COL23A1: variants seen among roughly 807,000 people sequenced by gnomAD.
COL23A1 encodes the protein collagen type XXIII alpha 1 chain.
Under a neutral mutation model 99.3 loss-of-function variants are expected in COL23A1, and 97 were observed. The ratio of observed to expected loss-of-function variants is 0.98; its 90% confidence interval spans 0.83 to 1.16. COL23A1 has a LOEUF of 1.16. Among genes scored for constraint, COL23A1 ranks in the 50% most tolerant of loss-of-function variants. The probability of loss-of-function intolerance (pLI) is 0.00; values close to 1 mark genes in which losing one functional copy is unlikely to be tolerated. For missense variants in COL23A1, 762 were observed against 757.4 expected (o/e 1.01, Z -0.07); for synonymous variants, 320 against 308.2 (o/e 1.04, Z -0.40).
chr5:178,390,485 C>A (rs1345509376), intron 2 of COL23A1, among the ~76,000 whole-genome samples: 1 of 152,196 alleles, frequency 6.6e-6, no homozygotes, highest in African/African-American at 2.4e-5. Context: ...GGCACAGAAC[C>A]CCCTCATGTT....
chr5:178,240,530 G>A (rs908315048), intron 27 of COL23A1, among the ~76,000 whole-genome samples: 1 of 152,312 alleles, frequency 6.6e-6, no homozygotes, highest in South Asian at 2.1e-4. Context: ...CTCCGCACGT[G>A]GGATTCTCCT....
At chr5:178,319,911 C>T (rs1406995091) in intron 2 of COL23A1, among the ~76,000 whole-genome samples, 1 of 152,226 alleles carries the variant, frequency 6.6e-6, no homozygotes, top group African/African-American at 2.4e-5. Flanking sequence ...CACTGCTTCC[C>T]TGCACCCGGC....
intron 2 of COL23A1, among the ~76,000 whole-genome samples, chr5:178,465,426 C>T (rs1756363079): frequency 6.6e-6 from 1 of 152,210 alleles, no homozygotes; most frequent in African/African-American, 2.4e-5. Flanking sequence ...TTTTCTCTCT[C>T]AGAAGGTCAG....
chr5:178,492,938 G>A (rs942975819), intron 2 of COL23A1, among the ~76,000 whole-genome samples: 2 of 152,156 alleles, frequency 1.3e-5, no homozygotes, highest in African/African-American at 4.8e-5. Flanking sequence ...ACCTCACAGG[G>A]TATGGAAAGG....
At chr5:178,336,452 T>C (rs540773868) in intron 2 of COL23A1, among the ~76,000 whole-genome samples, 43 of 152,354 alleles carry the variant, frequency 2.8e-4, no homozygotes, top group African/African-American at 1.0e-3. Flanking sequence ...GGATAAACCC[T>C]GAAAGCATTG....
chr5:178,256,490 G>T, intron 14 of COL23A1, 93 bp from the exon 15 acceptor site: 3 of 1,247,882 alleles, frequency 2.4e-6, no homozygotes, highest in Non-Finnish European at 3.3e-6. Flanking sequence ...TCCCAGGAGG[G>T]CCCAGGGCCC....
intron 2 of COL23A1, among the ~76,000 whole-genome samples, chr5:178,368,630 G>A (rs958041945): frequency 5.3e-5 from 8 of 152,206 alleles, no homozygotes; most frequent in Non-Finnish European, 1.2e-4. Flanking sequence ...GACTTGAGCA[G>A]GGGAAGAGTG....
chr5:178,357,784 A>ATGTG lies in COL23A1; in HGVS notation c.362-50869_362-50866dup, dbSNP rs200493328. Among the ~76,000 whole-genome samples the ATGTG allele has an allele frequency of 2.3e-3, 324 of 140,034 alleles. 2 individuals are homozygous for ATGTG. Among genetic ancestry groups the ATGTG allele is most frequent in the African/African-American group, 8.5e-3 (313 of 36,928 alleles). 91.9% of individuals were successfully genotyped at this position (140,034 alleles called of 152,430 possible). Reference sequence around the variant, plus strand: ...TACGTGTATGTATGTGTGTATGTGTATGTGTGTGTGTATGTGTGTGTGTAT... The same window carrying ATGTG: ...TACGTGTATGTATGTGTGTATGTGTATGTGTGTGTGTGTGTATGTGTGTGTGTAT... On this transcript the variant is annotated intron_variant, in intron 2 of 28. Transcript: ENST00000390654.
Position 178,281,160 on chromosome 5 carries a change from T to C in COL23A1, c.441+7164A>G, listed in dbSNP as rs1209528693. ...ATCTGGGGATTGTGGGGTGGCACTGTAGGGGTCAGACGGAAATGAGATGGA... is the reference window on the plus strand; with the variant it reads ...ATCTGGGGATTGTGGGGTGGCACTGCAGGGGTCAGACGGAAATGAGATGGA... On this transcript the variant is annotated intron_variant, in intron 5 of 28. Transcript: ENST00000390654. This position sits in a 1 kb window ranked among gnomAD's most constrained non-coding sequence, Gnocchi z 4.0. 6.6e-6 allele frequency among the ~76,000 whole-genome samples: 1 copy of C among 152,160 alleles called. No homozygotes were observed. Among genetic ancestry groups the C allele is most frequent in the African/African-American group, 2.4e-5 (1 of 41,426 alleles).
chr5:178,381,308 C>G (rs111815348), intron 2 of COL23A1, among the ~76,000 whole-genome samples: 1 of 152,182 alleles, frequency 6.6e-6, no homozygotes. Flanking sequence ...CCCAGGGGAC[C>G]CTGCCGGCTC....
chr5:178,269,591 A>AATCCATCC (rs535673246), intron 6 of COL23A1, among the ~76,000 whole-genome samples: 42,018 of 90,370 alleles, frequency 0.46, 10,536 homozygotes, highest in Non-Finnish European at 0.55. Context: ...CTCATCCATC[A>AATCCATCC]ATCCATCCAT....
At chr5:178,489,390 G>C (rs1233738259) in intron 2 of COL23A1, among the ~76,000 whole-genome samples, 1 of 152,246 alleles carries the variant, frequency 6.6e-6, no homozygotes, top group Non-Finnish European at 1.5e-5. Flanking sequence ...CCCTGGTTCT[G>C]AGGCGTTCAG....
intron 25 of COL23A1, among the ~76,000 whole-genome samples, chr5:178,245,501 C>A (rs762352762): frequency 2.0e-5 from 3 of 150,530 alleles, no homozygotes; most frequent in African/African-American, 2.4e-5. Flanking sequence ...ATCCACCCAC[C>A]CATCATCCAC....
intron 17 of COL23A1, among the ~76,000 whole-genome samples, chr5:178,250,680 G>A (rs939862497): frequency 8.2e-5 from 12 of 145,942 alleles, no homozygotes; most frequent in African/African-American, 2.9e-4. Flanking sequence ...GATCAATATT[G>A]TATTAAAAAG....
intron 2 of COL23A1, among the ~76,000 whole-genome samples, chr5:178,499,610 AAGATATGACC>A (rs1377140398): frequency 1.2e-4 from 19 of 152,258 alleles, no homozygotes; most frequent in Admixed American, 1.2e-3. Context: ...GGAACCCAGG[AAGATATGACC>A]ACGACTGTAA....
intron 2 of COL23A1, among the ~76,000 whole-genome samples, chr5:178,430,710 A>G (rs1025507633): frequency 6.6e-6 from 1 of 152,204 alleles, no homozygotes; most frequent in Non-Finnish European, 1.5e-5. Flanking sequence ...CATTCTGATA[A>G]AATGAGAACA....
chr5:178,380,893 AGG>A (rs1398906797), intron 2 of COL23A1, among the ~76,000 whole-genome samples: 1 of 152,186 alleles, frequency 6.6e-6, no homozygotes, highest in Non-Finnish European at 1.5e-5. Flanking sequence ...AAGGCTGAGC[AGG>A]GCAGGGGAGT....
chr5:178,403,142 T>A (rs200311326), intron 2 of COL23A1, among the ~76,000 whole-genome samples: 1,570 of 104,894 alleles, frequency 0.015, 49 homozygotes, highest in East Asian at 0.041. Flanking sequence ...AAAAAATAAA[T>A]ACCATTTACC....
At chr5:178,315,055 C>T (rs1405618363) in intron 2 of COL23A1, among the ~76,000 whole-genome samples, 4 of 152,142 alleles carry the variant, frequency 2.6e-5, no homozygotes, top group South Asian at 2.1e-4. Flanking sequence ...CCTGGAGACC[C>T]GAGACGACTC....
Sources: allele counts gnomAD v4.1 joint callset (sites outside exome capture counted in the v4.1 genomes callset), GRCh38; gene constraint gnomAD v4.1.1; non-coding constraint Gnocchi (gnomAD v3.1); transcripts MANE v1.5; gene names NCBI Gene and HGNC (gene_info 2026-07-23, HGNC 2026-07-21).